Variants in ROBO2 observed in about 807,000 individuals in gnomAD.
ROBO2 encodes roundabout homolog 2.
Under a neutral mutation model 160.8 loss-of-function variants are expected in ROBO2, and 53 were observed. The ratio of observed to expected loss-of-function variants is 0.33; its 90% CI spans 0.26 to 0.41. ROBO2 has a LOEUF of 0.41. Ranked by LOEUF, ROBO2 falls within the 10% of genes least tolerant of loss-of-function variation. The probability of loss-of-function intolerance (pLI) is 1.00; values close to 1 mark genes in which losing one functional copy is unlikely to be tolerated. For synonymous variants in ROBO2, 664 were observed against 611.7 expected (o/e 1.09, Z -1.26); for missense variants, 1,577 against 1,722.4 (o/e 0.92, Z 1.49).
upstream of ROBO2, among the ~76,000 whole-genome samples, chr3:77,039,444 C>A (rs2063850670): frequency 6.6e-6 from 1 of 152,288 alleles, no homozygotes; most frequent in African/African-American, 2.4e-5. Context: ...TTAGGAAGGG[C>A]TTCCATGAAA....
chr3:75,976,743 G>T (rs2065143356), intron 2 of ROBO2, among the ~76,000 whole-genome samples: 1 of 151,524 alleles, frequency 6.6e-6, no homozygotes, highest in South Asian at 2.1e-4. Context: ...GTAAGACAGG[G>T]AGTGTGTAAT....
chr3:75,988,725 T>C (rs77080762), intron 2 of ROBO2, among the ~76,000 whole-genome samples: 1,986 of 152,128 alleles, frequency 0.013, 26 homozygotes, highest in Non-Finnish European at 0.021. Flanking sequence ...CTTTTGTGAT[T>C]TCTGTAATGA....
chr3:76,779,733 C>G (rs1381862357), intron 2 of ROBO2, among the ~76,000 whole-genome samples: 1 of 150,754 alleles, frequency 6.6e-6, no homozygotes, highest in Admixed American at 6.6e-5. Flanking sequence ...AAAAATTTTC[C>G]TTTTTTAAGG....
chr3:76,924,485 TC>T (rs1349572631), intron 2 of ROBO2, among the ~76,000 whole-genome samples: 2 of 152,164 alleles, frequency 1.3e-5, no homozygotes, highest in African/African-American at 4.8e-5. Flanking sequence ...GGGCTTCCTA[TC>T]CCCGAAACTG....
intron 2 of ROBO2, among the ~76,000 whole-genome samples, chr3:76,465,420 G>A (rs916894024): frequency 6.6e-6 from 1 of 152,002 alleles, no homozygotes; most frequent in Admixed American, 6.6e-5. Context: ...TGGGATCTGG[G>A]ATAAGGCATT....
At chr3:77,415,578 G>A (rs932087439) in intron 2 of ROBO2, among the ~76,000 whole-genome samples, 23 of 152,060 alleles carry the variant, frequency 1.5e-4, no homozygotes, top group Non-Finnish European at 2.5e-4. Flanking sequence ...CTCTGGGCTC[G>A]CCACTGGGCT....
At chr3:76,679,374 G>A (rs1346282785) in intron 2 of ROBO2, among the ~76,000 whole-genome samples, 4 of 151,986 alleles carry the variant, frequency 2.6e-5, no homozygotes, top group African/African-American at 9.7e-5. Flanking sequence ...GTGTTTAGGA[G>A]TCAACTCTCC....
chr3:77,236,353 A>G (rs182875046), intron 2 of ROBO2, among the ~76,000 whole-genome samples: 1 of 152,300 alleles, frequency 6.6e-6, no homozygotes, highest in African/African-American at 2.4e-5. Context: ...CAGAGAACAG[A>G]CGGTAAATGT....
intron 2 of ROBO2, among the ~76,000 whole-genome samples, chr3:77,123,827 T>TATACATAGATATATAATCTATCTATATAG (rs2075032138): frequency 1.3e-5 from 2 of 149,262 alleles, no homozygotes; most frequent in African/African-American, 4.9e-5. Context: ...CACATATCTA[T>TATACATAGATATATAATCTATCTATATAG]ATACATAGAT....
At chr3:76,368,873 A>G (rs2075964634) in intron 2 of ROBO2, among the ~76,000 whole-genome samples, 1 of 151,944 alleles carries the variant, frequency 6.6e-6, no homozygotes, top group Admixed American at 6.6e-5. Context: ...CTATGAGAAA[A>G]CATCCTCTCT....
At chr3:77,639,999 T>C (rs1357797564) in intron 24 of ROBO2, among the ~76,000 whole-genome samples, 1 of 150,368 alleles carries the variant, frequency 6.7e-6, no homozygotes, top group African/African-American at 2.5e-5. Flanking sequence ...GAAATTAACA[T>C]AGGCCATAAA....
rs1449047059 is a variant in ROBO2, at chr3:76,834,072, TTC to T, written c.110-263940_110-263939del. ...TCTCTCCTTTCTTTCTTTTCTTTCT[TTC>T]TTTCTTTCTTTCTTTCTTTCTTTCT... On this transcript the variant is annotated intron_variant, in intron 2 of 26. Coordinates refer to the ROBO2 transcript ENST00000487694. 5.2e-5 allele frequency among the ~76,000 whole-genome samples: 7 copies of T among 134,158 alleles called. No homozygotes were observed. The South Asian group carries it at 1.2e-3, about 24-fold the overall frequency. The allele number at this position is 134,158 out of a possible 152,430, so 88.0% of individuals were successfully genotyped here. A position where few individuals can be genotyped will look rare whatever the true frequency, so the allele number is the denominator to read the frequency against.
At chr3:76,331,998 T>C (rs544819837) in intron 2 of ROBO2, among the ~76,000 whole-genome samples, 277 of 152,274 alleles carry the variant, frequency 1.8e-3, no homozygotes, top group Middle Eastern at 0.014. Context: ...ATATGGATTA[T>C]TTAAACTAAT....
intron 2 of ROBO2, among the ~76,000 whole-genome samples, chr3:76,855,369 C>T (rs551463248): frequency 5.9e-5 from 9 of 152,200 alleles, no homozygotes; most frequent in African/African-American, 2.2e-4. Flanking sequence ...ATGGCTTTAC[C>T]ACAACGAGGT....
At chr3:76,347,461 T>A (rs2108248982) in intron 2 of ROBO2, among the ~76,000 whole-genome samples, 1 of 152,178 alleles carries the variant, frequency 6.6e-6, no homozygotes, top group Middle Eastern at 3.4e-3. Flanking sequence ...AAGGTATATA[T>A]TTAAGTGTTG....
rs114344606 is a variant in ROBO2 at position 77,502,127 on chromosome 3, A to G, written c.806+8745A>G. ...ATGCAGAGAGGGTAAATATGCCAAC[A>G]TCACTGACTATGGGACCTAGGATGT... On this transcript the variant is annotated intron_variant, in intron 5 of 25. Transcript: ENST00000461745. Among the ~76,000 whole-genome samples, 1,094 of 152,316 alleles carry G rather than the reference A, an allele frequency of 7.2e-3. 8 individuals carry two copies. Among genetic ancestry groups the G allele is most frequent in the African/African-American group, 0.024 (1,008 of 41,562 alleles).
chr3:77,467,657 T>C (rs892252948), intron 2 of ROBO2, among the ~76,000 whole-genome samples: 1 of 151,732 alleles, frequency 6.6e-6, no homozygotes, highest in Non-Finnish European at 1.5e-5. Context: ...TATATATCTA[T>C]ACCCAAACCC....
chr3:77,347,630 C>A (rs1313563778), intron 2 of ROBO2, among the ~76,000 whole-genome samples: 2 of 152,002 alleles, frequency 1.3e-5, no homozygotes, highest in Admixed American at 6.6e-5. Flanking sequence ...CCCTTACGAC[C>A]CACGGTGACT....
chr3:77,206,408 T>C (rs2083451216), intron 2 of ROBO2, among the ~76,000 whole-genome samples: 1 of 152,046 alleles, frequency 6.6e-6, no homozygotes, highest in Admixed American at 6.6e-5. Context: ...GACCTTGTGA[T>C]CCGCCTGCTG....
Sources: allele counts gnomAD v4.1 joint callset (sites outside exome capture counted in the v4.1 genomes callset), GRCh38; gene constraint gnomAD v4.1.1; transcripts MANE v1.5; gene names NCBI Gene and HGNC (gene_info 2026-07-23, HGNC 2026-07-21).